The following PRPF8 variants were observed in gnomAD, a reference collection of about 807,000 sequenced individuals.
The protein encoded by PRPF8 is pre-mRNA processing factor 8, also known as pre-mRNA-processing-splicing factor 8.
PRPF8 carries 64 observed loss-of-function variants against 285.9 expected under a neutral mutation model. That is an observed-to-expected ratio of 0.22 (90% confidence interval 0.18 to 0.28). The LOEUF (loss-of-function observed/expected upper bound fraction) is 0.28. Among genes scored for constraint, PRPF8 ranks in the 10% least tolerant of loss-of-function variants. The pLI is 1.00. For missense variants in PRPF8, 1,426 were observed against 3,026.7 expected, an observed-to-expected ratio of 0.47 and a Z score of 12.41; for synonymous variants, 1,325 against 1,118.2, an observed-to-expected ratio of 1.18 and a Z score of -3.69.
rs72820383 is a variant in PRPF8 at position 1,682,111 on chromosome 17, T to G, written c.434+18A>C. On this transcript the variant is annotated intron_variant, in intron 4 of 42. Transcript: ENST00000304992. The stretch of plus-strand genomic sequence containing the variant: ...CCACCACCACCACCACCACCCACCA[T>G]ATTTCAGCCTTTCTCACCCCCACTG... 28,663 of 1,608,150 alleles carry G rather than the reference T, an allele frequency of 0.018. 318 individuals carry two copies. The highest frequency in any genetic ancestry group is 0.022 in the Non-Finnish European group (25,812 of 1,175,956).
intron 3 of PRPF8, among the ~76,000 whole-genome samples, chr17:1,682,557 C>A (rs1036346460): frequency 6.6e-6 from 1 of 152,156 alleles, no homozygotes; most frequent in Non-Finnish European, 1.5e-5. Flanking sequence ...GACAGCTTTG[C>A]GGCTCTCTCA....
intron 24 of PRPF8, among the ~76,000 whole-genome samples, chr17:1,663,580 G>A (rs1488498208): frequency 6.6e-6 from 1 of 151,652 alleles, no homozygotes; most frequent in Middle Eastern, 3.2e-3. Flanking sequence ...GTGGTGGCAC[G>A]CGCCTGTAGT....
At chr17:1,677,388 C>T (rs1200357770) in intron 14 of PRPF8, 177 bp downstream of exon 14, 3 of 1,048,132 alleles carry the variant, frequency 2.9e-6, no homozygotes, top group Non-Finnish European at 4.3e-6. Context: ...GACTGCCTCT[C>T]AAGGCCCCAG....
intron 3 of PRPF8, 23 bp downstream of exon 3, chr17:1,683,510 A>T: frequency 1.9e-6 from 3 of 1,613,794 alleles, no homozygotes; most frequent in Non-Finnish European, 2.5e-6. Context: ...TTCCAAATGA[A>T]ATTATTTCAG....
chr17:1,671,139 T>C (rs1177038470), intron 24 of PRPF8, among the ~76,000 whole-genome samples: 1 of 152,166 alleles, frequency 6.6e-6, no homozygotes, highest in African/African-American at 2.4e-5. Context: ...GCTAGTTACA[T>C]CGCCACACTT....
chr17:1,670,360 C>A (rs1912239355), intron 24 of PRPF8, among the ~76,000 whole-genome samples: 1 of 152,228 alleles, frequency 6.6e-6, no homozygotes, highest in African/African-American at 2.4e-5. Context: ...CCAAAATCTG[C>A]ACATCATTTT....
chr17:1,675,588 T>C lies in PRPF8; in HGVS notation c.2872+32A>G. ...GACGTAGAACTAAATTCCTGCCCCG[T>C]TCCTCACAGGGCGATCTCATGAAAG... On this transcript the variant is annotated intron_variant, in intron 19 of 42. Coordinates refer to ENST00000304992, the MANE Select transcript of PRPF8 (RefSeq NM_006445.4). This position sits in a 1 kb window ranked among gnomAD's most constrained non-coding sequence, Gnocchi z 6.0. The C allele has an allele frequency of 6.2e-7, 1 of 1,613,598 alleles. No homozygotes were observed. The highest frequency in any genetic ancestry group is 8.5e-7 in the Non-Finnish European group (1 of 1,179,576).
chr17:1,683,185 C>T (rs541561509), intron 3 of PRPF8: 16 of 343,090 alleles, frequency 4.7e-5, no homozygotes, highest in African/African-American at 2.1e-4. Context: ...TTAGTAGAGA[C>T]GGGGTTTCAC....
chr17:1,653,860 G>A lies in PRPF8; in HGVS notation c.6144C>T (p.Asn2048=). The change falls in exon 38 of 43, where the codon AAC becomes AAT. Residue 2048 remains asparagine, a synonymous_variant. Transcript: ENST00000304992. The surrounding 1 kb of genome is among the most constrained non-coding windows in gnomAD (Gnocchi z 4.9). The part of the protein sequence containing the change: ...QLTATQTRTV[N]KHGDEIITST... ...AGGTGATGATCTCATCGCCATGCTT[G>A]TTGACAGTGCGAGTCTGTGTTGCCG... 1 of 1,614,186 alleles carries A rather than the reference G, an allele frequency of 6.2e-7. No homozygotes were observed. Among genetic ancestry groups the A allele is most frequent in the Non-Finnish European group, 8.5e-7 (1 of 1,180,034 alleles).
chr17:1,681,101 A>C, intron 6 of PRPF8, 47 bp from the exon 7 acceptor site: 1 of 1,569,950 alleles, frequency 6.4e-7, no homozygotes, highest in Non-Finnish European at 8.8e-7. Context: ...TTTTTGAGAC[A>C]GGGTCTCACT....
chr17:1,654,958 C>CTTTT (rs922886665), intron 37 of PRPF8: 8 of 159,242 alleles, frequency 5.0e-5, no homozygotes, highest in Admixed American at 1.3e-4. Context: ...TGAGAAACGT[C>CTTTT]TTTTTTTTTT....
Position 1,650,762 on chromosome 17 carries a change from C to T in PRPF8, c.*40G>A. On this transcript the variant is annotated 3_prime_UTR_variant, in exon 43 of 43. Coordinates refer to ENST00000304992, the MANE Select transcript of PRPF8 (RefSeq NM_006445.4). Reference sequence around the variant, plus strand: ...AGCGGCCTGTCTGGAGGGGCTGAGGCTTCGGCCTCGGGAGGCTGAAGCAGG... The same window carrying T: ...AGCGGCCTGTCTGGAGGGGCTGAGGTTTCGGCCTCGGGAGGCTGAAGCAGG... 1 of 1,612,296 alleles carries T rather than the reference C, an allele frequency of 6.2e-7. No individual in the cohort carries two copies. Among genetic ancestry groups the T allele is most frequent in the Non-Finnish European group, 8.5e-7 (1 of 1,179,508 alleles).
At chr17:1,669,565 G>C (rs1912195582) in intron 24 of PRPF8, among the ~76,000 whole-genome samples, 1 of 152,156 alleles carries the variant, frequency 6.6e-6, no homozygotes, top group Non-Finnish European at 1.5e-5. Flanking sequence ...GATTGTCCTT[G>C]CTGTCTCCAC....
Position 1,681,483 on chromosome 17 carries a change from G to A in PRPF8, c.861C>T (p.Asn287=). 1.9e-6 allele frequency: 3 copies of A among 1,580,896 alleles called. No homozygotes were observed. Among genetic ancestry groups the A allele is most frequent in the South Asian group, 1.1e-5 (1 of 90,374 alleles). ...CCCTAATCTCTCCAACTCACTGTAG[G>A]TTGATGTCTCGAACAAGAGGTTCAA... ...PKFEPLVRDI[N]LQDEDWNEFN... is the part of the protein sequence containing the mutation. Residue 287 remains asparagine (N), a synonymous_variant, in exon 6 of 43, where the codon AAC becomes AAT. Transcript: ENST00000304992.
intron 24 of PRPF8, among the ~76,000 whole-genome samples, chr17:1,666,684 C>CA (rs1159262258): frequency 6.6e-6 from 1 of 152,062 alleles, no homozygotes; most frequent in Non-Finnish European, 1.5e-5. Flanking sequence ...GACTTTAAGG[C>CA]AAAAAATGTC....
chr17:1,683,483 A>C (rs1481920076), intron 3 of PRPF8, 50 bp downstream of exon 3: 1 of 1,595,588 alleles, frequency 6.3e-7, no homozygotes, highest in South Asian at 1.1e-5. Flanking sequence ...GGACAGGGAG[A>C]AGGGAAAAGG....
In PRPF8 at chr17:1,673,478, C is replaced by T; in HGVS notation, c.3536G>A (p.Ser1179Asn). The change falls in exon 23 of 43, where the codon AGT (serine) becomes AAT (asparagine). Residue 1179 changes from serine to asparagine, a missense_variant. By Grantham distance (46) the Ser-to-Asn change is conservative. Transcript: ENST00000304992. The surrounding 1 kb of genome is among the most constrained non-coding windows in gnomAD (Gnocchi z 5.5). ...QWENSFVSVY[S>N]KDNPNLLFNM... is the part of the protein sequence containing the mutation. The stretch of plus-strand genomic sequence containing the variant: ...GAACAGCAGGTTGGGGTTGTCCTTA[C>T]TGTACACAGACACGAAGCTGTTCTC... The T allele has an allele frequency of 6.2e-7, 1 of 1,614,176 alleles. No individual in the cohort carries two copies. The highest frequency in any genetic ancestry group is 8.5e-7 in the Non-Finnish European group (1 of 1,180,022).
chr17:1,655,826 CTG>C (rs1290383054), intron 36 of PRPF8, among the ~76,000 whole-genome samples: 3 of 150,996 alleles, frequency 2.0e-5, no homozygotes, highest in African/African-American at 7.3e-5. Context: ...TGGGGTTTCA[CTG>C]TGTTAGCCAG....
intron 2 of PRPF8, 98 bp downstream of exon 2, chr17:1,684,374 C>T (rs1047146044): frequency 2.4e-5 from 29 of 1,218,480 alleles, no homozygotes; most frequent in Non-Finnish European, 3.3e-5. Flanking sequence ...GAGCTGACAC[C>T]TCAGGAGCTG....
Sources: allele counts gnomAD v4.1 joint callset (sites outside exome capture counted in the v4.1 genomes callset), GRCh38; gene constraint gnomAD v4.1.1; non-coding constraint Gnocchi (gnomAD v3.1); transcripts MANE v1.5; gene names NCBI Gene and HGNC (gene_info 2026-07-23, HGNC 2026-07-21).